BMF: variants seen among roughly 807,000 people sequenced by gnomAD.
BMF encodes the protein bcl-2-modifying factor.
BMF carries 10 observed loss-of-function variants against 22.0 expected under a neutral mutation model. The ratio of observed to expected loss-of-function variants is 0.45; its 90% CI spans 0.28 to 0.77. The LOEUF (loss-of-function observed/expected upper bound fraction) is 0.77. Among genes scored for constraint, BMF ranks in the 30% least tolerant of loss-of-function variants. The probability of loss-of-function intolerance (pLI) is 0.13; values close to 1 mark genes in which losing one functional copy is unlikely to be tolerated. For synonymous variants in BMF, 87 were observed against 88.1 expected (o/e 0.99, Z 0.07); for missense variants, 206 against 226.8 (o/e 0.91, Z 0.59).
Position 40,100,163 on chromosome 15 carries a change from A to T in BMF, c.453+4017T>A, listed in dbSNP as rs550891077. Reference sequence around the variant, plus strand: ...TTGCCCAGAAATACCCCCAAATGTCATGATGGGCCACTGGGACAGAAGACT... The same window carrying T: ...TTGCCCAGAAATACCCCCAAATGTCTTGATGGGCCACTGGGACAGAAGACT... On this transcript the variant is annotated intron_variant, in intron 4 of 4. Transcript: ENST00000354670. Among the ~76,000 whole-genome samples the T allele has an allele frequency of 3.9e-5, 6 of 152,314 alleles. No homozygotes were observed. In the South Asian group the frequency reaches 1.2e-3, roughly 32 times the overall value.
chr15:40,104,103 G>T, intron 4 of BMF, 77 bp downstream of exon 4: 1 of 1,565,484 alleles, frequency 6.4e-7, no homozygotes, highest in South Asian at 1.1e-5. Context: ...CAGAGTTGCT[G>T]ACAAGAGGAG....
At chr15:40,101,862 G>T (rs968669899) in intron 4 of BMF, among the ~76,000 whole-genome samples, 3 of 152,158 alleles carry the variant, frequency 2.0e-5, no homozygotes, top group Non-Finnish European at 2.9e-5. Context: ...GAAAATTTGG[G>T]AAAACCAGCT....
At chr15:40,104,419 A>G (rs1211317334) in intron 3 of BMF, 79 bp from the exon 4 acceptor site, 3 of 1,554,474 alleles carry the variant, frequency 1.9e-6, no homozygotes, top group Non-Finnish European at 2.6e-6. Flanking sequence ...CCTGGCCAAG[A>G]TTGGAGGCTG....
intron 4 of BMF, among the ~76,000 whole-genome samples, chr15:40,103,623 G>A (rs546984803): frequency 1.3e-5 from 2 of 152,320 alleles, no homozygotes; most frequent in African/African-American, 4.8e-5. Context: ...GAGCCTCTCC[G>A]AGGTACACTC....
intron 4 of BMF, among the ~76,000 whole-genome samples, chr15:40,095,890 C>T (rs1165005349): frequency 6.6e-6 from 1 of 152,210 alleles, no homozygotes; most frequent in Non-Finnish European, 1.5e-5. Context: ...AGGCAGTCAG[C>T]TGACAAATGT....
chr15:40,095,656 G>T (rs1232100879), intron 4 of BMF, among the ~76,000 whole-genome samples: 1 of 152,118 alleles, frequency 6.6e-6, no homozygotes, highest in Non-Finnish European at 1.5e-5. Flanking sequence ...GTCGGGGCTG[G>T]GATACAGAGG....
At chr15:40,103,951 T>C (rs1394301167) in intron 4 of BMF, among the ~76,000 whole-genome samples, 1 of 152,186 alleles carries the variant, frequency 6.6e-6, no homozygotes. Context: ...AGGGCTCTTA[T>C]GGAACATGAA....
chr15:40,097,030 T>C (rs138728412), intron 4 of BMF, among the ~76,000 whole-genome samples: 1 of 152,286 alleles, frequency 6.6e-6, no homozygotes, highest in Non-Finnish European at 1.5e-5. Flanking sequence ...CTAAACCTAC[T>C]CAGGCCAAGG....
intron 4 of BMF, among the ~76,000 whole-genome samples, chr15:40,093,386 C>G (rs140979842): frequency 6.6e-6 from 1 of 152,190 alleles, no homozygotes; most frequent in African/African-American, 2.4e-5. Context: ...GGAAATCGGG[C>G]GTGCCACAGA....
At chr15:40,104,585 C>T (rs1296619699) in intron 3 of BMF, among the ~76,000 whole-genome samples, 2 of 152,210 alleles carry the variant, frequency 1.3e-5, no homozygotes, top group Non-Finnish European at 2.9e-5. Context: ...CTGACAGTGC[C>T]ATGACAAAGG....
At chr15:40,102,907 T>A (rs1416878985) in intron 4 of BMF, among the ~76,000 whole-genome samples, 3 of 152,194 alleles carry the variant, frequency 2.0e-5, no homozygotes, top group African/African-American at 7.2e-5. Flanking sequence ...AGATCTATTA[T>A]CTAAGCATAG....
intron 4 of BMF, among the ~76,000 whole-genome samples, chr15:40,093,584 C>A (rs950009977): frequency 5.3e-5 from 8 of 152,214 alleles, no homozygotes; most frequent in Admixed American, 2.0e-4. Flanking sequence ...CCCCTCTCCT[C>A]CCCTCCCCAG....
chr15:40,105,254 G>T (rs565834553), intron 3 of BMF, among the ~76,000 whole-genome samples: 1 of 152,288 alleles, frequency 6.6e-6, no homozygotes, highest in East Asian at 1.9e-4. Flanking sequence ...AACTATTTAA[G>T]CCCACAAATG....
chr15:40,096,137 A>C (rs987361606), intron 4 of BMF, among the ~76,000 whole-genome samples: 2 of 150,646 alleles, frequency 1.3e-5, no homozygotes, highest in Admixed American at 6.6e-5. Context: ...GAGAGGCCCA[A>C]CTAGTAAAAG....
chr15:40,102,414 G>A (rs1422660360), intron 4 of BMF, among the ~76,000 whole-genome samples: 2 of 57,556 alleles, frequency 3.5e-5, no homozygotes, highest in African/African-American at 1.1e-4. Context: ...GGGCGAAAGA[G>A]CCAAAAAAAA....
At chr15:40,099,451 G>A (rs552712451) in intron 4 of BMF, among the ~76,000 whole-genome samples, 1 of 152,106 alleles carries the variant, frequency 6.6e-6, no homozygotes, top group Non-Finnish European at 1.5e-5. Context: ...ACTCCTAAAG[G>A]CCCTTCACAT....
rs753796403 is a variant in BMF at position 40,105,808 on chromosome 15, C to A, written c.279G>T (p.Gln93His). The A allele has an allele frequency of 1.2e-6, 2 of 1,608,434 alleles. No individual in the cohort carries two copies. Among genetic ancestry groups the A allele is most frequent in the East Asian group, 4.5e-5 (2 of 44,764 alleles). ...MLPCGVTEEPQRLFYGNAGYR... is the reference protein window; with the variant it reads ...MLPCGVTEEPHRLFYGNAGYR... ...GAGAGCACTCACCATAAAAGAGTCGCTGGGGTTCCTCAGTCACCCCACAAG... is the reference window on the plus strand; with the variant it reads ...GAGAGCACTCACCATAAAAGAGTCGATGGGGTTCCTCAGTCACCCCACAAG... Residue 93 changes from glutamine (Q) to histidine (H), a missense_variant, in exon 3 of 5, where the codon CAG becomes CAT. Physicochemically the swap from Gln to His is conservative, Grantham distance 24 (BLOSUM62 0). Transcript: ENST00000354670.
chr15:40,100,232 C>T (rs1251492940), intron 4 of BMF, among the ~76,000 whole-genome samples: 2 of 152,228 alleles, frequency 1.3e-5, no homozygotes, highest in African/African-American at 2.4e-5. Context: ...TCCTTAGGCT[C>T]GTGCTGAATG....
At chr15:40,091,933 A>AAT in intron 4 of BMF, 45 bp from the exon 5 acceptor site, 1 of 1,380,184 alleles carries the variant, frequency 7.2e-7, no homozygotes, top group Non-Finnish European at 1.0e-6. Context: ...TCCCAAACGC[A>AAT]ATCTTAGACG....
Sources: gnomAD v4.1 joint callset for allele counts (sites outside exome capture counted in the v4.1 genomes callset) on GRCh38, gnomAD v4.1.1 for gene constraint, MANE v1.5 for transcripts, NCBI Gene and HGNC (gene_info 2026-07-23, HGNC 2026-07-21) for gene names.